The following CCSER1 variants were observed in gnomAD, a reference collection of about 807,000 sequenced individuals.
The protein encoded by CCSER1 is coiled-coil serine rich protein 1, also known as serine-rich coiled-coil domain-containing protein 1.
A neutral mutation model predicts 82.0 loss-of-function variants in CCSER1; 41 were observed. That is an observed-to-expected ratio of 0.50 (90% CI 0.39 to 0.65). The LOEUF is 0.65. CCSER1 is among the 30% of genes least tolerant of loss of function. CCSER1 has a pLI of 0.00. For missense variants in CCSER1, 1,119 were observed against 1,064.2 expected (o/e 1.05, Z -0.72); for synonymous variants, 414 against 383.9 (o/e 1.08, Z -0.92).
intron 5 of CCSER1, among the ~76,000 whole-genome samples, chr4:90,522,267 C>T (rs986087416): frequency 6.6e-6 from 1 of 152,262 alleles, no homozygotes; most frequent in South Asian, 2.1e-4. Flanking sequence ...ATATAGGACT[C>T]TTATTCCCAC....
intron 7 of CCSER1, among the ~76,000 whole-genome samples, chr4:90,779,029 C>T (rs1327166519): frequency 3.3e-5 from 5 of 152,120 alleles, no homozygotes; most frequent in Non-Finnish European, 7.4e-5. Context: ...CTTAACTACT[C>T]GTCTTATTTC....
chr4:90,967,883 C>T (rs1164380397), intron 9 of CCSER1, among the ~76,000 whole-genome samples: 2 of 151,960 alleles, frequency 1.3e-5, no homozygotes, highest in Admixed American at 6.6e-5. Flanking sequence ...GATAAATAAT[C>T]CAAAAATAGA....
chr4:90,628,313 C>A, intron 6 of CCSER1, 81 bp downstream of exon 6: 1 of 1,049,060 alleles, frequency 9.5e-7, no homozygotes, highest in Non-Finnish European at 1.5e-6. Context: ...CCTGCTCTGT[C>A]AGTAATTAAC....
chr4:91,459,630 A>G (rs1044708427), intron 10 of CCSER1, among the ~76,000 whole-genome samples: 3 of 152,112 alleles, frequency 2.0e-5, no homozygotes, highest in African/African-American at 7.2e-5. Context: ...GAATGATCAG[A>G]AGTTCTTGGG....
chr4:90,634,064 T>A (rs1317985847), intron 6 of CCSER1, among the ~76,000 whole-genome samples: 2 of 151,712 alleles, frequency 1.3e-5, no homozygotes, highest in African/African-American at 2.4e-5. Flanking sequence ...TTTTAAAAAA[T>A]TTTATGATCT....
At chr4:91,145,187 T>A (rs1729423970) in intron 10 of CCSER1, among the ~76,000 whole-genome samples, 1 of 152,152 alleles carries the variant, frequency 6.6e-6, no homozygotes, top group African/African-American at 2.4e-5. Context: ...TTTTGTTCAA[T>A]TGAAACTAAT....
At chr4:90,770,514 A>G (rs908501218) in intron 7 of CCSER1, among the ~76,000 whole-genome samples, 2 of 152,210 alleles carry the variant, frequency 1.3e-5, no homozygotes, top group African/African-American at 4.8e-5. Flanking sequence ...GATTTTAAGT[A>G]TCTTAATATT....
chr4:90,657,046 C>T (rs1395159860), intron 6 of CCSER1, among the ~76,000 whole-genome samples: 1 of 151,974 alleles, frequency 6.6e-6, no homozygotes, highest in Non-Finnish European at 1.5e-5. Context: ...GAACTTTATA[C>T]ATTTCTACAT....
At chr4:91,176,872 G>A (rs187293153) in intron 10 of CCSER1, among the ~76,000 whole-genome samples, 77 of 152,310 alleles carry the variant, frequency 5.1e-4, no homozygotes, top group African/African-American at 1.9e-3. Context: ...TAGAAGTGGT[G>A]AGAGAGGGCA....
At chr4:91,474,348 T>G (rs1346752253) in intron 10 of CCSER1, among the ~76,000 whole-genome samples, 2 of 151,898 alleles carry the variant, frequency 1.3e-5, no homozygotes, top group Non-Finnish European at 2.9e-5. Context: ...GATAATAAAT[T>G]TTTATTTCTT....
chr4:91,592,706 T>C (rs1578875806), intron 10 of CCSER1, among the ~76,000 whole-genome samples: 1 of 152,338 alleles, frequency 6.6e-6, no homozygotes, highest in Non-Finnish European at 1.5e-5. Flanking sequence ...CAAATATTTT[T>C]AAATTCTGTT....
At chr4:90,277,440 A>G (rs1025131910) in intron 1 of CCSER1, among the ~76,000 whole-genome samples, 1 of 152,152 alleles carries the variant, frequency 6.6e-6, no homozygotes, top group Non-Finnish European at 1.5e-5. Flanking sequence ...TTTGTATAGT[A>G]TAGTAACCAA....
intron 10 of CCSER1, among the ~76,000 whole-genome samples, chr4:91,506,932 T>C (rs1759526813): frequency 6.6e-6 from 1 of 152,232 alleles, no homozygotes; most frequent in Admixed American, 6.5e-5. Context: ...CATATTATTT[T>C]TATGGTTCAT....
chr4:90,586,002 G>A (rs1781965349), intron 5 of CCSER1, among the ~76,000 whole-genome samples: 1 of 152,072 alleles, frequency 6.6e-6, no homozygotes, highest in African/African-American at 2.4e-5. Flanking sequence ...TGTCTACTTA[G>A]ATGTCCCAGA....
rs770013398 is a variant in CCSER1 at position 91,411,491 on chromosome 4, CATATATAT to C, written c.2218-187053_2218-187046del. On this transcript the variant is annotated intron_variant, in intron 10 of 10. Coordinates refer to ENST00000509176, the MANE Select transcript of CCSER1 (RefSeq NM_001145065.2). ...TAATCACTAAATTTCTGCATATATA[CATATATAT>C]ATATATATATATATATATATATATA... 1.4e-3 allele frequency among the ~76,000 whole-genome samples: 76 copies of C among 53,792 alleles called. 4 individuals carry two copies. In the East Asian group the frequency reaches 0.024, roughly 17 times the overall value. The allele number at this position is 53,792 out of a possible 152,430, so 35.3% of individuals were successfully genotyped here.
chr4:91,593,618 C>CT (rs1055055223), intron 10 of CCSER1, among the ~76,000 whole-genome samples: 2 of 151,678 alleles, frequency 1.3e-5, no homozygotes, highest in Non-Finnish European at 2.9e-5. Context: ...AGCCCCCATG[C>CT]TTTTTTCTTA....
intron 3 of CCSER1, among the ~76,000 whole-genome samples, chr4:90,383,701 T>C (rs1749566042): frequency 6.6e-6 from 1 of 151,788 alleles, no homozygotes. Flanking sequence ...TGTTATGGCC[T>C]TAAGCAAACT....
chr4:90,871,796 A>G (rs1179903900), intron 8 of CCSER1, among the ~76,000 whole-genome samples: 1 of 151,700 alleles, frequency 6.6e-6, no homozygotes, highest in Non-Finnish European at 1.5e-5. Context: ...ATTGGAGTCT[A>G]TCTCTCTTTA....
At chr4:91,403,933 C>T (rs1233911828) in intron 10 of CCSER1, among the ~76,000 whole-genome samples, 1 of 152,168 alleles carries the variant, frequency 6.6e-6, no homozygotes, top group Non-Finnish European at 1.5e-5. Flanking sequence ...GGAGGATTCC[C>T]TCTTTTCCTA....
Sources: gnomAD v4.1 joint callset for allele counts (sites outside exome capture counted in the v4.1 genomes callset) on GRCh38, gnomAD v4.1.1 for gene constraint, MANE v1.5 for transcripts, NCBI Gene and HGNC (gene_info 2026-07-23, HGNC 2026-07-21) for gene names.